The following CAMSAP2 variants were observed in gnomAD, a reference collection of about 807,000 sequenced individuals.
CAMSAP2 encodes calmodulin-regulated spectrin-associated protein 2.
A neutral mutation model predicts 146.1 loss-of-function variants in CAMSAP2; 26 were observed. The observed-to-expected ratio is 0.18, with a 90% confidence interval of 0.13 to 0.25. CAMSAP2 has a LOEUF of 0.25. Among genes scored for constraint, CAMSAP2 ranks in the 10% least tolerant of loss-of-function variants. The pLI is 1.00. For missense variants in CAMSAP2, 1,381 were observed against 1,759.3 expected, an observed-to-expected ratio of 0.78 and a Z score of 3.85; for synonymous variants, 499 against 596.6, an observed-to-expected ratio of 0.84 and a Z score of 2.38.
chr1:200,853,457 A>G lies in CAMSAP2; in HGVS notation c.3785A>G (p.His1262Arg), dbSNP rs1337048005. 1.9e-6 allele frequency: 3 copies of G among 1,613,638 alleles called. No homozygotes were observed. The Admixed American group carries it at 5.0e-5, about 27-fold the overall frequency. ...KQRPKSIHRD[H>R]IESPKTPIKG... ...CGACCAAAATCTATTCACAGAGATC[A>G]TATTGAATCCCCCAAAACACCAATA... is the stretch of plus-strand genomic sequence containing the variant. The change falls in exon 13 of 17, where the codon CAT becomes CGT. Residue 1262 changes from histidine to arginine, a missense_variant. His to Arg is a conservative substitution (Grantham distance 29, BLOSUM62 0). Coordinates refer to ENST00000358823, the MANE Select transcript of CAMSAP2 (RefSeq NM_203459.4). This position sits in a 1 kb window ranked among gnomAD's most constrained non-coding sequence, Gnocchi z 5.1.
Position 200,841,526 on chromosome 1 carries a change from G to A in CAMSAP2, c.928-468G>A, listed in dbSNP as rs150722597. On this transcript the variant is annotated intron_variant, in intron 6 of 16. Coordinates refer to ENST00000358823, the MANE Select transcript of CAMSAP2 (RefSeq NM_203459.4). ...CTCCCAAAGTGCTGGGGTTACAGGC[G>A]TGAGTCACCACGCCCGGCCAAATAA... 9.5e-3 allele frequency among the ~76,000 whole-genome samples: 1,450 copies of A among 152,280 alleles called. 23 individuals carry two copies. Among genetic ancestry groups the A allele is most frequent in the Middle Eastern group, 0.079 (23 of 292 alleles).
chr1:200,828,644 T>G, intron 4 of CAMSAP2: 2 of 1,533,904 alleles, frequency 1.3e-6, no homozygotes, highest in Non-Finnish European at 1.8e-6. Context: ...TCTCCAGAAT[T>G]GTAATTGTAG....
intron 2 of CAMSAP2, among the ~76,000 whole-genome samples, chr1:200,775,778 C>G (rs796139179): frequency 5.3e-5 from 8 of 152,180 alleles, no homozygotes; most frequent in East Asian, 1.9e-4. Context: ...TGATCCACCC[C>G]CCTCGGCCTC....
intron 4 of CAMSAP2, among the ~76,000 whole-genome samples, chr1:200,816,032 A>G (rs1666473113): frequency 6.6e-6 from 1 of 152,234 alleles, no homozygotes; most frequent in African/African-American, 2.4e-5. Context: ...GCGATGGCTC[A>G]CGCCTGTAAT....
chr1:200,832,908 CAA>C lies in CAMSAP2; in HGVS notation c.927+67_927+68del. On this transcript the variant is annotated intron_variant, in intron 6 of 16. Transcript: ENST00000358823. This position sits in a 1 kb window ranked among gnomAD's most constrained non-coding sequence, Gnocchi z 4.2. ...AAAATATGTTTTTTTAAAAAACAAACAAAAACACCGGGAACAGTGGCTCATGC... is the reference window on the plus strand; with the variant it reads ...AAAATATGTTTTTTTAAAAAACAAACAAACACCGGGAACAGTGGCTCATGC... The C allele has an allele frequency of 7.1e-7, 1 of 1,415,720 alleles. No homozygotes were observed. Among genetic ancestry groups the C allele is most frequent in the Non-Finnish European group, 9.5e-7 (1 of 1,047,658 alleles). 87.7% of individuals were successfully genotyped at this position (1,415,720 alleles called of 1,614,324 possible).
chr1:200,798,237 A>C (rs1184309070), intron 2 of CAMSAP2, among the ~76,000 whole-genome samples: 2 of 146,940 alleles, frequency 1.4e-5, no homozygotes, highest in Non-Finnish European at 3.0e-5. Flanking sequence ...GATGGCATTG[A>C]ATCTATAAAT....
intron 1 of CAMSAP2, among the ~76,000 whole-genome samples, chr1:200,745,100 A>G (rs143121884): frequency 1.3e-5 from 2 of 152,328 alleles, no homozygotes; most frequent in East Asian, 1.9e-4. Flanking sequence ...TTAAGTAGAT[A>G]TTATTTTATT....
At chr1:200,817,987 G>C (rs1250887870) in intron 4 of CAMSAP2, among the ~76,000 whole-genome samples, 1 of 152,118 alleles carries the variant, frequency 6.6e-6, no homozygotes, top group Non-Finnish European at 1.5e-5. Flanking sequence ...TTTCTTGTCA[G>C]CTTCCTTCCC....
At position 200,850,056 on chromosome 1, in the gene CAMSAP2, C is replaced by T; in HGVS notation, c.3287C>T (p.Pro1096Leu). The change falls in exon 11 of 17, where the codon CCC becomes CTC. Residue 1096 changes from proline to leucine, a missense_variant. By Grantham distance (98) the Pro-to-Leu change is moderately conservative. Transcript: ENST00000358823. ...GACCAATTGAATCAACCCACAGAAC[C>T]CCCTCCTAAACCCGTTTTCCCACCC... ...NEDQLNQPTE[P>L]PPKPVFPPTA... is the part of the protein sequence containing the mutation. 1 of 1,611,606 alleles carries T rather than the reference C, an allele frequency of 6.2e-7. No homozygotes were observed. The highest frequency in any genetic ancestry group is 1.1e-5 in the South Asian group (1 of 90,670).
chr1:200,850,284 G>A (rs750298963), intron 11 of CAMSAP2, 50 bp downstream of exon 11: 2 of 1,467,232 alleles, frequency 1.4e-6, no homozygotes, highest in Non-Finnish European at 1.8e-6. Flanking sequence ...GATGAGTGTG[G>A]TTGTGTTGGA....
intron 3 of CAMSAP2, among the ~76,000 whole-genome samples, chr1:200,811,208 G>T (rs1666321026): frequency 6.6e-6 from 1 of 152,142 alleles, no homozygotes; most frequent in Non-Finnish European, 1.5e-5. Context: ...TACTTGGTGG[G>T]ATTTGAACAA....
intron 1 of CAMSAP2, among the ~76,000 whole-genome samples, chr1:200,756,371 C>G (rs1032608573): frequency 4.0e-5 from 6 of 151,654 alleles, no homozygotes; most frequent in African/African-American, 2.4e-5. Flanking sequence ...AAGAATTGCC[C>G]GAACCCAGGA....
intron 1 of CAMSAP2, among the ~76,000 whole-genome samples, chr1:200,751,551 A>G (rs1319001468): frequency 6.6e-6 from 1 of 150,904 alleles, no homozygotes; most frequent in Non-Finnish European, 1.5e-5. Flanking sequence ...AAAAAAAAAA[A>G]AAAAAAAAGC....
chr1:200,772,109 C>T (rs572385685), intron 2 of CAMSAP2, among the ~76,000 whole-genome samples: 1 of 152,268 alleles, frequency 6.6e-6, no homozygotes, highest in South Asian at 2.1e-4. Flanking sequence ...TTGAAATTCT[C>T]TTAACTATGA....
intron 11 of CAMSAP2, 114 bp downstream of exon 11, chr1:200,850,348 T>C (rs1667589350): frequency 4.6e-6 from 4 of 862,222 alleles, no homozygotes; most frequent in Non-Finnish European, 5.3e-6. Flanking sequence ...TCCCTTTTGA[T>C]ACAAGTTCAT....
chr1:200,843,553 C>G (rs1482274547), intron 7 of CAMSAP2, among the ~76,000 whole-genome samples: 1 of 152,144 alleles, frequency 6.6e-6, no homozygotes, highest in Non-Finnish European at 1.5e-5. Flanking sequence ...AAATTATTAA[C>G]AGGGTTTTCA....
At chr1:200,785,275 C>A (rs560844417) in intron 2 of CAMSAP2, among the ~76,000 whole-genome samples, 1 of 152,214 alleles carries the variant, frequency 6.6e-6, no homozygotes, top group South Asian at 2.1e-4. Context: ...CAAAGTGTTC[C>A]CTACTCCACT....
At chr1:200,806,323 G>T (rs766910630) in intron 2 of CAMSAP2, among the ~76,000 whole-genome samples, 2 of 152,180 alleles carry the variant, frequency 1.3e-5, no homozygotes, top group African/African-American at 2.4e-5. Context: ...ATAAAAGGAT[G>T]CTCATCTTCA....
At chr1:200,753,298 CAAAAAA>C (rs35626597) in intron 1 of CAMSAP2, among the ~76,000 whole-genome samples, 1 of 101,372 alleles carries the variant, frequency 9.9e-6, no homozygotes, top group Non-Finnish European at 2.2e-5. Context: ...AACTCCATCT[CAAAAAA>C]AAAAAAAAAA....
Sources: allele counts gnomAD v4.1 joint callset (sites outside exome capture counted in the v4.1 genomes callset), GRCh38; gene constraint gnomAD v4.1.1; non-coding constraint Gnocchi (gnomAD v3.1); transcripts MANE v1.5; gene names NCBI Gene and HGNC (gene_info 2026-07-23, HGNC 2026-07-21).